AJAP1: variants seen among roughly 807,000 people sequenced by gnomAD.
AJAP1 encodes adherens junctions associated protein 1.
AJAP1 carries 5 observed loss-of-function variants against 35.0 expected under a neutral mutation model. The ratio of observed to expected loss-of-function variants is 0.14; its 90% confidence interval spans 0.07 to 0.30. AJAP1 has a LOEUF of 0.30. AJAP1 is among the 10% of genes least tolerant of loss of function. The probability of loss-of-function intolerance (pLI) is 1.00; values close to 1 mark genes in which losing one functional copy is unlikely to be tolerated. For missense variants in AJAP1, 586 were observed against 571.0 expected (o/e 1.03, Z -0.27); for synonymous variants, 284 against 249.3 (o/e 1.14, Z -1.31).
At chr1:4,710,153 CAGAT>C (rs770453842) in intron 1 of AJAP1, among the ~76,000 whole-genome samples, 6 of 122,290 alleles carry the variant, frequency 4.9e-5, no homozygotes, top group Non-Finnish European at 1.0e-4. Flanking sequence ...AATACACACA[CAGAT>C]ACTCTCACAC....
At chr1:4,688,588 T>C (rs1221649902) in intron 1 of AJAP1, among the ~76,000 whole-genome samples, 2 of 151,800 alleles carry the variant, frequency 1.3e-5, no homozygotes, top group Non-Finnish European at 2.9e-5. Context: ...GCCTGGCCAA[T>C]ATGGTGAAAC....
At chr1:4,662,489 C>T (rs1639020981) in intron 1 of AJAP1, among the ~76,000 whole-genome samples, 1 of 152,208 alleles carries the variant, frequency 6.6e-6, no homozygotes. Context: ...TGCTGATGCA[C>T]CGTTGGGTTG....
Position 4,758,772 on chromosome 1 carries a change from G to A in AJAP1, c.830-11081G>A, listed in dbSNP as rs190240038. The stretch of plus-strand genomic sequence containing the variant: ...CTGTGCTGGAGAGTGTGGTGCATAC[G>A]TCAGGCTGCTGCTCGATTGACAGCA... On this transcript the variant is annotated intron_variant, in intron 2 of 5. Transcript: ENST00000378191. Among the ~76,000 whole-genome samples, 10 of 152,292 alleles carry A rather than the reference G, an allele frequency of 6.6e-5. No individual in the cohort carries two copies. In the East Asian group the frequency reaches 7.7e-4, roughly 12 times the overall value.
intron 1 of AJAP1, among the ~76,000 whole-genome samples, chr1:4,657,489 G>A (rs951622049): frequency 6.6e-6 from 1 of 152,200 alleles, no homozygotes; most frequent in Non-Finnish European, 1.5e-5. Context: ...GGGACTCTGA[G>A]CCAAAGGGTT....
rs1209948053 is a variant in AJAP1, at chr1:4,712,008, G to A, written c.138G>A (p.Pro46=). 2 of 1,594,220 alleles carry A rather than the reference G, an allele frequency of 1.3e-6. No individual in the cohort carries two copies. The highest frequency in any genetic ancestry group is 1.7e-6 in the Non-Finnish European group (2 of 1,173,440). ...TGCCCGCCTGTGAGGCCCTGGGCCC[G>A]GGGCCGGAGTTCTGGCTCCTGCCGC... ...VDLPACEALG[P]GPEFWLLPRS... is the part of the protein sequence containing the mutation. The change falls in exon 2 of 6, where the codon CCG becomes CCA. Residue 46 remains proline, a synonymous_variant. Coordinates refer to ENST00000378191, the MANE Select transcript of AJAP1 (RefSeq NM_018836.4).
intron 2 of AJAP1, among the ~76,000 whole-genome samples, chr1:4,742,297 A>G (rs921606550): frequency 2.0e-5 from 3 of 152,218 alleles, no homozygotes; most frequent in African/African-American, 4.8e-5. Context: ...CGCTGAGAAC[A>G]CAGTACGGCT....
chr1:4,744,413 T>C (rs2100321853), intron 2 of AJAP1, among the ~76,000 whole-genome samples: 1 of 152,286 alleles, frequency 6.6e-6, no homozygotes, highest in East Asian at 1.9e-4. Flanking sequence ...TAAACTGTAT[T>C]AGAGAGCATG....
chr1:4,674,059 A>C (rs1328231914), intron 1 of AJAP1, among the ~76,000 whole-genome samples: 1 of 151,508 alleles, frequency 6.6e-6, no homozygotes, highest in East Asian at 1.9e-4. Context: ...AAAAAAAAAA[A>C]AAAAAAAGGA....
At chr1:4,658,824 G>C (rs1638939303) in intron 1 of AJAP1, among the ~76,000 whole-genome samples, 1 of 152,192 alleles carries the variant, frequency 6.6e-6, no homozygotes, top group African/African-American at 2.4e-5. Flanking sequence ...CAGGAATGGA[G>C]ACAGCCCCAC....
chr1:4,740,785 C>CAAAAAAAAAAAAAA (rs34897087), intron 2 of AJAP1, among the ~76,000 whole-genome samples: 2 of 66,962 alleles, frequency 3.0e-5, no homozygotes, highest in African/African-American at 1.1e-4. Context: ...GACTCCGTCT[C>CAAAAAAAAAAAAAA]AAAAAAAAAA....
intron 1 of AJAP1, among the ~76,000 whole-genome samples, chr1:4,664,278 G>GCATCCAC (rs1323424436): frequency 6.6e-6 from 1 of 152,246 alleles, no homozygotes; most frequent in African/African-American, 2.4e-5. Flanking sequence ...AAGGAATACA[G>GCATCCAC]CATCCACCAG....
chr1:4,711,624 G>A (rs1640237648), intron 1 of AJAP1, among the ~76,000 whole-genome samples: 1 of 152,182 alleles, frequency 6.6e-6, no homozygotes, highest in Non-Finnish European at 1.5e-5. Context: ...GGACTATTCG[G>A]CGACCGGCCG....
chr1:4,765,894 T>A (rs1193573948), intron 2 of AJAP1, among the ~76,000 whole-genome samples: 1 of 152,082 alleles, frequency 6.6e-6, no homozygotes, highest in African/African-American at 2.4e-5. Flanking sequence ...AGCCATAAAC[T>A]AGAGGCTGTG....
chr1:4,677,153 G>A lies in AJAP1; in HGVS notation c.29+21699G>A, dbSNP rs539366792. Among the ~76,000 whole-genome samples, 18 of 152,246 alleles carry A rather than the reference G, an allele frequency of 1.2e-4. No individual in the cohort carries two copies. The South Asian group carries it at 1.7e-3, about 14-fold the overall frequency. On this transcript the variant is annotated intron_variant, in intron 1 of 5. Coordinates refer to ENST00000378191, the MANE Select transcript of AJAP1 (RefSeq NM_018836.4). ...GCCTGGGCGACAAAAGTGAGAATCC[G>A]TCTCAAAAAATAAAAGAAAAGCAAT...
rs1479686661 is a variant in AJAP1, at chr1:4,751,466, A to G, written c.830-18387A>G. Among the ~76,000 whole-genome samples, 8 of 152,178 alleles carry G rather than the reference A, an allele frequency of 5.3e-5. No individual in the cohort carries two copies. In the East Asian group the frequency reaches 1.5e-3, roughly 29 times the overall value. On this transcript the variant is annotated intron_variant, in intron 2 of 5. Transcript: ENST00000378191. The stretch of plus-strand genomic sequence containing the variant: ...GCTGAAAAGAAAGGGAGGCACCTGG[A>G]ACCAAGTCAGATGCCATCTTCACTC...
chr1:4,689,098 G>A (rs1019165465), intron 1 of AJAP1, among the ~76,000 whole-genome samples: 2 of 152,120 alleles, frequency 1.3e-5, no homozygotes, highest in African/African-American at 4.8e-5. Flanking sequence ...ACCGTAGCCT[G>A]CGGCTTCGGT....
chr1:4,686,868 C>T (rs1448138984), intron 1 of AJAP1, among the ~76,000 whole-genome samples: 2 of 152,206 alleles, frequency 1.3e-5, no homozygotes, highest in Non-Finnish European at 2.9e-5. Flanking sequence ...GATGCACTCA[C>T]TTTTATTAGC....
intron 1 of AJAP1, among the ~76,000 whole-genome samples, chr1:4,678,242 G>GTGA (rs1639403214): frequency 6.6e-6 from 1 of 152,232 alleles, no homozygotes; most frequent in African/African-American, 2.4e-5. Context: ...GTAGAAATGA[G>GTGA]CACTTGAAAT....
At position 4,774,407 on chromosome 1, in the gene AJAP1, C is replaced by T. The variant is rs372542846; in HGVS notation, c.1164-20C>T. 2.5e-6 allele frequency: 4 copies of T among 1,613,538 alleles called. No individual in the cohort carries two copies. Among genetic ancestry groups the T allele is most frequent in the Non-Finnish European group, 3.4e-6 (4 of 1,179,420 alleles). ...GGTCAAGTACCAGCACGCCAAAGCC[C>T]ATTTTTCTGTTCACCGCAGACCCTC... On this transcript the variant is annotated intron_variant, in intron 4 of 5. Transcript: ENST00000378191.
Sources: gnomAD v4.1 joint callset for allele counts (sites outside exome capture counted in the v4.1 genomes callset) on GRCh38, gnomAD v4.1.1 for gene constraint, MANE v1.5 for transcripts, NCBI Gene and HGNC (gene_info 2026-07-23, HGNC 2026-07-21) for gene names.